Variants in ST6GALNAC3 observed in about 807,000 individuals in gnomAD.
ST6GALNAC3 encodes the protein alpha-N-acetylgalactosaminide alpha-2,6-sialyltransferase 3.
In ST6GALNAC3, 25 loss-of-function variants were observed where a neutral mutation model predicts 32.7. The observed-to-expected ratio is 0.76, with a 90% CI of 0.56 to 1.07. The LOEUF (loss-of-function observed/expected upper bound fraction) is 1.07, where lower values mean the gene tolerates loss of function less well. Among genes scored for constraint, ST6GALNAC3 ranks in the 50% least tolerant of loss-of-function variants. ST6GALNAC3 has a pLI of 0.00. For missense variants in ST6GALNAC3, 355 were observed against 382.4 expected (o/e 0.93, Z 0.60); for synonymous variants, 129 against 133.1 (o/e 0.97, Z 0.21).
intron 3 of ST6GALNAC3, among the ~76,000 whole-genome samples, chr1:76,535,436 A>AT (rs936337130): frequency 6.6e-6 from 1 of 151,976 alleles, no homozygotes; most frequent in Non-Finnish European, 1.5e-5. Context: ...AAGTATAAAT[A>AT]TTTTTTTCCC....
rs115418000 is a variant in ST6GALNAC3, at chr1:76,212,567, C to T, written c.19-101238C>T. The stretch of plus-strand genomic sequence containing the variant: ...AGCCTTAGTTTTTCAGGAAAAAGCA[C>T]CTGACCTGTGTATCTTAAGCTGCTA... On this transcript the variant is annotated intron_variant, in intron 1 of 4. Transcript: ENST00000328299. 4.2e-3 allele frequency among the ~76,000 whole-genome samples: 643 copies of T among 152,234 alleles called. 6 individuals carry two copies. The highest frequency in any genetic ancestry group is 0.015 in the African/African-American group (611 of 41,550).
At chr1:76,575,900 A>G (rs562461509) in intron 3 of ST6GALNAC3, among the ~76,000 whole-genome samples, 45 of 152,084 alleles carry the variant, frequency 3.0e-4, no homozygotes, top group South Asian at 6.2e-4. Flanking sequence ...TCTAAGATCT[A>G]ATTTTACTTA....
chr1:76,097,222 G>A (rs1359669339), intron 1 of ST6GALNAC3, among the ~76,000 whole-genome samples: 1 of 152,146 alleles, frequency 6.6e-6, no homozygotes, highest in Non-Finnish European at 1.5e-5. Context: ...CCCAGCCAGA[G>A]CATTGTTTTA....
At chr1:76,516,001 G>T (rs1426781828) in intron 3 of ST6GALNAC3, among the ~76,000 whole-genome samples, 1 of 152,182 alleles carries the variant, frequency 6.6e-6, no homozygotes, top group African/African-American at 2.4e-5. Context: ...TGACAGTGGA[G>T]TGTTAAAGTC....
intron 1 of ST6GALNAC3, among the ~76,000 whole-genome samples, chr1:76,194,182 T>C (rs1379745692): frequency 6.6e-6 from 1 of 152,160 alleles, no homozygotes; most frequent in Non-Finnish European, 1.5e-5. Flanking sequence ...GTAGGTCTTA[T>C]TTACTCAAAT....
chr1:76,455,869 G>A (rs545309454), intron 3 of ST6GALNAC3, among the ~76,000 whole-genome samples: 1 of 152,188 alleles, frequency 6.6e-6, no homozygotes, highest in South Asian at 2.1e-4. Flanking sequence ...TCCACCTTAG[G>A]AATTGAAAGA....
At chr1:76,192,117 A>G (rs1022072179) in intron 1 of ST6GALNAC3, among the ~76,000 whole-genome samples, 7 of 152,224 alleles carry the variant, frequency 4.6e-5, no homozygotes, top group Non-Finnish European at 8.8e-5. Flanking sequence ...ATTGATGTAT[A>G]TTAAATTCCA....
At chr1:76,295,812 A>T (rs1280969832) in intron 1 of ST6GALNAC3, among the ~76,000 whole-genome samples, 1 of 152,060 alleles carries the variant, frequency 6.6e-6, no homozygotes, top group African/African-American at 2.4e-5. Context: ...TTATTTTAAC[A>T]AGGTTAGTAC....
At chr1:76,240,461 A>T (rs1466654949) in intron 1 of ST6GALNAC3, among the ~76,000 whole-genome samples, 1 of 152,152 alleles carries the variant, frequency 6.6e-6, no homozygotes, top group African/African-American at 2.4e-5. Context: ...TGTCTTCTCC[A>T]TTTCTCAGCC....
chr1:76,604,578 ATC>A (rs2100643651), intron 3 of ST6GALNAC3, among the ~76,000 whole-genome samples: 1 of 152,100 alleles, frequency 6.6e-6, no homozygotes, highest in South Asian at 2.1e-4. Context: ...TCTCTTCTCA[ATC>A]TCTTTGCCTC....
intron 1 of ST6GALNAC3, among the ~76,000 whole-genome samples, chr1:76,221,257 A>G (rs1655752254): frequency 6.6e-6 from 1 of 152,118 alleles, no homozygotes; most frequent in Non-Finnish European, 1.5e-5. Context: ...TTCCTAAGAA[A>G]CCTTAATACT....
chr1:76,094,962 C>G (rs1447885331), intron 1 of ST6GALNAC3, among the ~76,000 whole-genome samples: 3 of 151,630 alleles, frequency 2.0e-5, no homozygotes, highest in Non-Finnish European at 4.4e-5. Flanking sequence ...TTTCTTCTTC[C>G]TCTTGGTACT....
At chr1:76,175,520 T>TA (rs1652794072) in intron 1 of ST6GALNAC3, among the ~76,000 whole-genome samples, 1 of 88,582 alleles carries the variant, frequency 1.1e-5, no homozygotes, top group South Asian at 5.7e-4. Context: ...CCCTGATGGA[T>TA]AGTTTTTTTT....
intron 3 of ST6GALNAC3, among the ~76,000 whole-genome samples, chr1:76,446,236 C>T (rs1479847250): frequency 6.6e-6 from 1 of 152,126 alleles, no homozygotes; most frequent in Non-Finnish European, 1.5e-5. Flanking sequence ...ACAGCATTAT[C>T]CCATATACCC....
intron 1 of ST6GALNAC3, among the ~76,000 whole-genome samples, chr1:76,166,786 C>T (rs1324265121): frequency 1.3e-5 from 2 of 151,996 alleles, no homozygotes; most frequent in South Asian, 2.1e-4. Context: ...ATTGCGTTGC[C>T]TATTCGGCTC....
chr1:76,336,184 G>A (rs934793290), intron 2 of ST6GALNAC3, among the ~76,000 whole-genome samples: 10 of 152,132 alleles, frequency 6.6e-5, no homozygotes, highest in African/African-American at 2.4e-4. Flanking sequence ...GAGAACACAG[G>A]GGAGATTGCA....
intron 1 of ST6GALNAC3, among the ~76,000 whole-genome samples, chr1:76,268,430 G>A (rs140479824): frequency 0.016 from 2,395 of 152,288 alleles, 72 homozygotes; most frequent in African/African-American, 0.055. Flanking sequence ...GGGGGACTGA[G>A]ACTGCCACAA....
At chr1:76,637,138 C>T (rs1209791986), downstream of ST6GALNAC3, 3 of 152,122 alleles carry the variant, frequency 2.0e-5, no homozygotes, top group Non-Finnish European at 4.4e-5. Context: ...AGAGTTCTTG[C>T]TCTATATTTG....
rs13376004 is a variant in ST6GALNAC3, at chr1:76,493,950, C to T, written c.623+81533C>T. 8.7e-3 allele frequency among the ~76,000 whole-genome samples: 1,320 copies of T among 152,212 alleles called. 20 individuals carry two copies. Among genetic ancestry groups the T allele is most frequent in the African/African-American group, 0.026 (1,076 of 41,552 alleles). Reference sequence around the variant, plus strand: ...CCTCCAGATTTGTCCTCTTTTTCATCAGAGCTCCTTTCTTATCTTTGCCTG... The same window carrying T: ...CCTCCAGATTTGTCCTCTTTTTCATTAGAGCTCCTTTCTTATCTTTGCCTG... On this transcript the variant is annotated intron_variant, in intron 3 of 4. Coordinates refer to ENST00000328299, the MANE Select transcript of ST6GALNAC3 (RefSeq NM_152996.4).
Sources: allele counts gnomAD v4.1 joint callset (sites outside exome capture counted in the v4.1 genomes callset), GRCh38; gene constraint gnomAD v4.1.1; transcripts MANE v1.5; gene names NCBI Gene and HGNC (gene_info 2026-07-23, HGNC 2026-07-21).